Variants in KLF12 observed in about 807,000 individuals in gnomAD.
The protein encoded by KLF12 is KLF transcription factor 12.
Under a neutral mutation model 37.8 loss-of-function variants are expected in KLF12, and 9 were observed. The ratio of observed to expected loss-of-function variants is 0.24; its 90% CI spans 0.14 to 0.42. The LOEUF (loss-of-function observed/expected upper bound fraction) is 0.42. Among genes scored for constraint, KLF12 ranks in the 10% least tolerant of loss-of-function variants. KLF12 has a pLI of 1.00. For missense variants in KLF12, 411 were observed against 516.0 expected, an observed-to-expected ratio of 0.80 and a Z score of 1.97; for synonymous variants, 208 against 202.1, an observed-to-expected ratio of 1.03 and a Z score of -0.25.
At chr13:73,822,857 CCT>C (rs1172070609) in intron 4 of KLF12, among the ~76,000 whole-genome samples, 1 of 152,160 alleles carries the variant, frequency 6.6e-6, no homozygotes, top group Non-Finnish European at 1.5e-5. Flanking sequence ...CTCTAGGAGC[CCT>C]CTGAGATATC....
intron 1 of KLF12, among the ~76,000 whole-genome samples, chr13:74,129,011 T>C (rs765156721): frequency 5.9e-5 from 9 of 152,166 alleles, no homozygotes; most frequent in Non-Finnish European, 1.3e-4. Flanking sequence ...CATATAGATA[T>C]ATAAGATGAT....
chr13:74,192,038 G>A, the KLF12 span, among the ~76,000 whole-genome samples: 639 of 151,954 alleles, frequency 4.2e-3, 4 homozygotes, highest in African/African-American at 0.014. Flanking sequence ...TACCTCAACA[G>A]TCACATTCAA....
At chr13:74,129,688 GAA>G (rs35405958) in intron 1 of KLF12, among the ~76,000 whole-genome samples, 5 of 134,282 alleles carry the variant, frequency 3.7e-5, no homozygotes, top group African/African-American at 8.2e-5. Context: ...ACTTTAAGTT[GAA>G]AAAAAAAAAA....
chr13:73,713,497 T>C (rs1875564182), intron 7 of KLF12, among the ~76,000 whole-genome samples: 1 of 152,230 alleles, frequency 6.6e-6, no homozygotes, highest in Non-Finnish European at 1.5e-5. Context: ...AGTGACTTGC[T>C]CTCTGCGAAA....
intron 3 of KLF12, among the ~76,000 whole-genome samples, chr13:73,866,276 A>G (rs9530254): frequency 0.58 from 88,344 of 151,968 alleles, 27,532 homozygotes; most frequent in Middle Eastern, 0.72. Flanking sequence ...AAACAAAACA[A>G]AAACACACAA....
At chr13:73,842,517 G>C (rs1203415131) in intron 4 of KLF12, among the ~76,000 whole-genome samples, 2 of 152,170 alleles carry the variant, frequency 1.3e-5, no homozygotes, top group East Asian at 1.9e-4. Context: ...CAGCTGAAAG[G>C]ACAAATGGTT....
chr13:73,973,641 A>ACATCACAG (rs59407662), intron 2 of KLF12, among the ~76,000 whole-genome samples: 1 of 151,956 alleles, frequency 6.6e-6, no homozygotes, highest in African/African-American at 2.4e-5. Context: ...AACCAACACA[A>ACATCACAG]GACATAGAAC....
At chr13:74,160,027 T>C in the KLF12 span, among the ~76,000 whole-genome samples, 220 of 142,632 alleles carry the variant, frequency 1.5e-3, no homozygotes, top group African/African-American at 5.5e-3. Context: ...AAAAAAAAGG[T>C]ACTTTTCCAA....
At chr13:73,823,699 AT>A (rs1482076400) in intron 4 of KLF12, among the ~76,000 whole-genome samples, 3 of 147,742 alleles carry the variant, frequency 2.0e-5, no homozygotes, top group African/African-American at 7.4e-5. Flanking sequence ...ATCTCTCTTC[AT>A]TTGTAGTTCT....
chr13:74,054,188 G>C (rs1227375919), intron 1 of KLF12, among the ~76,000 whole-genome samples: 1 of 152,110 alleles, frequency 6.6e-6, no homozygotes, highest in Non-Finnish European at 1.5e-5. Context: ...TATAAAGTCT[G>C]CTCCTAACTC....
intron 1 of KLF12, among the ~76,000 whole-genome samples, chr13:74,083,539 C>CACACACACAA (rs1555270494): frequency 1.7e-4 from 23 of 139,116 alleles, no homozygotes; most frequent in African/African-American, 5.8e-4. Context: ...CACACACACA[C>CACACACACAA]AAACATTTAA....
At chr13:74,084,988 A>C (rs745328541) in intron 1 of KLF12, among the ~76,000 whole-genome samples, 1 of 152,184 alleles carries the variant, frequency 6.6e-6, no homozygotes, top group Non-Finnish European at 1.5e-5. Context: ...TATATTACAT[A>C]AACAGTAGAG....
intron 3 of KLF12, among the ~76,000 whole-genome samples, chr13:73,911,619 TG>T (rs1888572987): frequency 6.6e-6 from 1 of 152,256 alleles, no homozygotes; most frequent in South Asian, 2.1e-4. Flanking sequence ...GCATATGCAG[TG>T]AATTTCTATG....
intron 6 of KLF12, among the ~76,000 whole-genome samples, chr13:73,761,002 A>G (rs1879512406): frequency 6.6e-6 from 1 of 152,180 alleles, no homozygotes; most frequent in South Asian, 2.1e-4. Flanking sequence ...GCCAGCCTAC[A>G]CAGACACACC....
intron 1 of KLF12, among the ~76,000 whole-genome samples, chr13:74,027,893 T>A (rs989817492): frequency 1.3e-5 from 2 of 152,202 alleles, no homozygotes; most frequent in African/African-American, 2.4e-5. Context: ...ATAACTGTAC[T>A]ACCAATTCCA....
chr13:74,170,522 G>A, the KLF12 span, among the ~76,000 whole-genome samples: 1 of 151,998 alleles, frequency 6.6e-6, no homozygotes. Flanking sequence ...CCCTTGTTTT[G>A]CCCTGCATTC....
At position 74,042,290 on chromosome 13, in the gene KLF12, C is replaced by A. The variant is rs1035783761; in HGVS notation, c.-31-47237G>T. Among the ~76,000 whole-genome samples the A allele has an allele frequency of 1.1e-3, 154 of 140,050 alleles. 1 individual carries two copies. The highest frequency in any genetic ancestry group is 3.9e-3 in the African/African-American group (144 of 36,704). 91.9% of individuals were successfully genotyped at this position (140,050 alleles called of 152,430 possible). A position where few individuals can be genotyped will look rare whatever the true frequency, so the allele number is the denominator to read the frequency against. ...CTGCACTCCAGCCTGGGTGACAAAG[C>A]GAGACTCCATCTCAAAAAAAAAAAA... is the stretch of plus-strand genomic sequence containing the variant. On this transcript the variant is annotated intron_variant, in intron 1 of 7. Transcript: ENST00000377669.
At chr13:74,212,248 G>T in the KLF12 span, among the ~76,000 whole-genome samples, 1 of 152,106 alleles carries the variant, frequency 6.6e-6, no homozygotes, top group African/African-American at 2.4e-5. Context: ...ATCACATTTA[G>T]AATATAATTT....
At chr13:74,154,415 T>G in the KLF12 span, among the ~76,000 whole-genome samples, 4 of 152,210 alleles carry the variant, frequency 2.6e-5, no homozygotes, top group African/African-American at 7.2e-5. Context: ...TTTGTTCGAT[T>G]TTTGTTTATA....
Sources: allele counts gnomAD v4.1 joint callset (sites outside exome capture counted in the v4.1 genomes callset), GRCh38; gene constraint gnomAD v4.1.1; transcripts MANE v1.5; gene names NCBI Gene and HGNC (gene_info 2026-07-23, HGNC 2026-07-21).